Variants in AEBP2 observed in about 807,000 individuals in gnomAD.
AEBP2 encodes AE binding protein 2, also known as zinc finger protein AEBP2.
Under a neutral mutation model 50.8 loss-of-function variants are expected in AEBP2, and 10 were observed. The observed-to-expected ratio is 0.20, with a 90% CI of 0.12 to 0.33. The LOEUF (loss-of-function observed/expected upper bound fraction) is 0.33. AEBP2 is among the 10% of genes least tolerant of loss of function. The probability of loss-of-function intolerance (pLI) is 1.00; values close to 1 mark genes in which losing one functional copy is unlikely to be tolerated. For synonymous variants in AEBP2, 296 were observed against 261.3 expected (o/e 1.13, Z -1.28); for missense variants, 570 against 688.0 (o/e 0.83, Z 1.92).
chr12:19,503,453 T>A (rs1949112969), intron 5 of AEBP2, among the ~76,000 whole-genome samples: 1 of 152,094 alleles, frequency 6.6e-6, no homozygotes, highest in African/African-American at 2.4e-5. Flanking sequence ...CATTGATTTT[T>A]TTTGTATCCT....
At chr12:19,434,044 A>G (rs2153365381) in intron 1 of AEBP2, among the ~76,000 whole-genome samples, 1 of 151,370 alleles carries the variant, frequency 6.6e-6, no homozygotes. Context: ...ACGAGGTTTT[A>G]CCATGTTGGC....
chr12:19,442,832 T>G (rs1484182148), intron 1 of AEBP2, among the ~76,000 whole-genome samples: 5 of 152,206 alleles, frequency 3.3e-5, no homozygotes, highest in Non-Finnish European at 5.9e-5. Flanking sequence ...ATTTTGAGTT[T>G]GGAAAGGATC....
At position 19,440,171 on chromosome 12, in the gene AEBP2, C is replaced by T. The variant is rs773053149; in HGVS notation, c.472C>T (p.Leu158=). The T allele has an allele frequency of 3.4e-6, 5 of 1,492,206 alleles. No homozygotes were observed. The South Asian group carries it at 3.8e-5, about 11-fold the overall frequency. The allele number at this position is 1,492,206 out of a possible 1,614,324, so 92.4% of individuals were successfully genotyped here. ...CGGGGATGGGGACGGCAAGGAGGGC[C>T]TGGAGGAGCCCAAGGGACCGCGGGG... The part of the protein sequence containing the change: ...SSGDGDGKEG[L]EEPKGPRGSQ... Residue 158 remains leucine, a synonymous_variant, in exon 1 of 8, where the codon CTG becomes TTG. Coordinates refer to ENST00000266508, the MANE Select transcript of AEBP2 (RefSeq NM_153207.5).
At chr12:19,465,117 G>A (rs187481678) in intron 2 of AEBP2, among the ~76,000 whole-genome samples, 18 of 152,048 alleles carry the variant, frequency 1.2e-4, no homozygotes, top group African/African-American at 3.1e-4. Context: ...CTGTTTGGCC[G>A]GGCGCGGTGG....
upstream of AEBP2, among the ~76,000 whole-genome samples, chr12:19,438,814 T>TA (rs1565701300): frequency 2.0e-5 from 3 of 152,276 alleles, no homozygotes; most frequent in Non-Finnish European, 4.4e-5. Flanking sequence ...AACTGTATTT[T>TA]AAAAAAATGG....
chr12:19,416,394 A>G (rs2095742594), intron 1 of AEBP2, among the ~76,000 whole-genome samples: 1 of 150,476 alleles, frequency 6.6e-6, no homozygotes, highest in Non-Finnish European at 1.5e-5. Context: ...AAATGGTCTT[A>G]GCTATCTTTT....
intron 1 of AEBP2, among the ~76,000 whole-genome samples, chr12:19,446,868 A>G (rs761035028): frequency 2.3e-4 from 35 of 152,160 alleles, no homozygotes; most frequent in Non-Finnish European, 5.0e-4. Context: ...CTGAGGCTGC[A>G]GTGAGCTGTG....
At chr12:19,504,901 G>A (rs1949134147) in intron 5 of AEBP2, among the ~76,000 whole-genome samples, 1 of 152,162 alleles carries the variant, frequency 6.6e-6, no homozygotes, top group Admixed American at 6.5e-5. Context: ...AAAGGAGAGA[G>A]TGATAGAACA....
intron 1 of AEBP2, among the ~76,000 whole-genome samples, chr12:19,426,279 T>G (rs1565697906): frequency 6.6e-6 from 1 of 152,112 alleles, no homozygotes; most frequent in African/African-American, 2.4e-5. Context: ...AGAGGGCACA[T>G]GATACTGCTC....
At chr12:19,438,491 C>T (rs934016849), upstream of AEBP2, among the ~76,000 whole-genome samples, 7 of 152,138 alleles carry the variant, frequency 4.6e-5, no homozygotes, top group African/African-American at 1.4e-4. Flanking sequence ...CACTGAAGGT[C>T]ATAATGTATA....
rs147770716 is a variant in AEBP2, at chr12:19,475,464, G to GTA, written c.987+2122_987+2123dup. Among the ~76,000 whole-genome samples the GTA allele has an allele frequency of 4.1e-3, 611 of 150,848 alleles. 1 individual carries two copies. Among genetic ancestry groups the GTA allele is most frequent in the South Asian group, 6.3e-3 (30 of 4,766 alleles). On this transcript the variant is annotated intron_variant, in intron 3 of 7. Transcript: ENST00000266508. ...TATGTATGTATGTGTGTATGTGTGT[G>GTA]TATATATATATATACTGCATTTTCT... is the stretch of plus-strand genomic sequence containing the variant.
At position 19,504,380 on chromosome 12, in the gene AEBP2, G is replaced by GCCCCC. The variant is rs55796210; in HGVS notation, c.1299+4163_1299+4167dup. On this transcript the variant is annotated intron_variant, in intron 5 of 7. Coordinates refer to ENST00000266508, the MANE Select transcript of AEBP2 (RefSeq NM_153207.5). ...CTCCCGAGTAGCTGGGAATACAGGC[G>GCCCCC]CCCCCCCCACCACGCCTGGCTAATT... 5.8e-4 allele frequency among the ~76,000 whole-genome samples: 87 copies of GCCCCC among 149,424 alleles called. 1 individual carries two copies. The highest frequency in any genetic ancestry group is 3.6e-3 in the East Asian group (18 of 4,972).
At chr12:19,414,008 C>T (rs549506084) in intron 1 of AEBP2, among the ~76,000 whole-genome samples, 1 of 152,098 alleles carries the variant, frequency 6.6e-6, no homozygotes, top group South Asian at 2.1e-4. Flanking sequence ...ATTCTCCTGC[C>T]TTAACCTCCC....
intron 5 of AEBP2, among the ~76,000 whole-genome samples, chr12:19,503,324 C>G (rs1476969631): frequency 6.7e-6 from 1 of 149,372 alleles, no homozygotes; most frequent in Non-Finnish European, 1.5e-5. Context: ...TAGATGTATT[C>G]CTTGGTGTGT....
At chr12:19,415,311 T>C (rs1216364776) in intron 1 of AEBP2, among the ~76,000 whole-genome samples, 1 of 70,206 alleles carries the variant, frequency 1.4e-5, no homozygotes, top group Non-Finnish European at 2.4e-5. Context: ...AATGAGACCC[T>C]GTCTCAAAAA....
At chr12:19,462,140 C>T (rs76290745) in intron 1 of AEBP2, among the ~76,000 whole-genome samples, 2,498 of 152,228 alleles carry the variant, frequency 0.016, 58 homozygotes, top group African/African-American at 0.057. Context: ...GAATTATTTA[C>T]AGCTGGAAAC....
intron 1 of AEBP2, among the ~76,000 whole-genome samples, chr12:19,422,870 G>A (rs1053377621): frequency 4.0e-5 from 6 of 151,256 alleles, no homozygotes; most frequent in Non-Finnish European, 8.8e-5. Context: ...TCGAGACCAG[G>A]CTGGCCAACT....
chr12:19,438,396 G>T (rs1947883093), upstream of AEBP2, among the ~76,000 whole-genome samples: 1 of 151,916 alleles, frequency 6.6e-6, no homozygotes, highest in Non-Finnish European at 1.5e-5. Context: ...TTTTTTATGC[G>T]AACAAGTTTT....
intron 1 of AEBP2, among the ~76,000 whole-genome samples, chr12:19,459,712 C>T (rs1474627808): frequency 6.6e-6 from 1 of 152,064 alleles, no homozygotes; most frequent in Admixed American, 6.6e-5. Flanking sequence ...CTTAGAGTTG[C>T]ACTTTAGAAT....
Sources: gnomAD v4.1 joint callset for allele counts (sites outside exome capture counted in the v4.1 genomes callset) on GRCh38, gnomAD v4.1.1 for gene constraint, MANE v1.5 for transcripts, NCBI Gene and HGNC (gene_info 2026-07-23, HGNC 2026-07-21) for gene names.